The following GALK1 variants were observed in gnomAD, a reference collection of about 807,000 sequenced individuals.
GALK1 encodes galactokinase.
GALK1 carries 30 observed loss-of-function variants against 38.6 expected under a neutral mutation model. The ratio of observed to expected loss-of-function variants is 0.78; its 90% confidence interval spans 0.58 to 1.05. The LOEUF (loss-of-function observed/expected upper bound fraction) is 1.05, where lower values mean the gene tolerates loss of function less well. GALK1 is among the 50% of genes least tolerant of loss of function. The probability of loss-of-function intolerance (pLI) is 0.00; values close to 1 mark genes in which losing one functional copy is unlikely to be tolerated. For missense variants in GALK1, 512 were observed against 540.5 expected (o/e 0.95, Z 0.52); for synonymous variants, 240 against 233.6 (o/e 1.03, Z -0.25).
Position 75,764,053 on chromosome 17 carries a change from G to T in GALK1, c.199C>A (p.Pro67Thr). The T allele has an allele frequency of 1.3e-6, 2 of 1,595,462 alleles. No individual in the cohort carries two copies. The highest frequency in any genetic ancestry group is 8.5e-7 in the Non-Finnish European group (1 of 1,173,214). Residue 67 changes from proline (P) to threonine (T), a missense_variant, in exon 2 of 8, where the codon CCC becomes ACC. Coordinates refer to ENST00000588479, the MANE Select transcript of GALK1 (RefSeq NM_000154.2). ...AGAGACACCAGCCCATCCTTGCGGG[G>T]GCTGCCCACCAGCACCGTCATGAGC... ...LELMTVLVGS[P>T]RKDGLVSLLT...
downstream of GALK1, chr17:75,757,666 A>G: frequency 2.8e-6 from 4 of 1,454,072 alleles, no homozygotes; most frequent in Middle Eastern, 2.0e-4. Flanking sequence ...GCCCACCCGC[A>G]TGCACAGAGC....
At chr17:75,762,941 C>G in intron 4 of GALK1, 56 bp from the exon 5 acceptor site, 10 of 1,504,422 alleles carry the variant, frequency 6.6e-6, no homozygotes, top group Non-Finnish European at 8.8e-6. Flanking sequence ...CTTGCTGCGC[C>G]AGGCAGTGGG....
downstream of GALK1, chr17:75,757,441 C>T (rs1363024019): frequency 1.2e-6 from 2 of 1,613,250 alleles, no homozygotes; most frequent in Non-Finnish European, 8.5e-7. Context: ...GGGCCCAGCA[C>T]CTGGAGGCAG....
downstream of GALK1, chr17:75,757,195 C>T (rs376826039): frequency 1.7e-5 from 28 of 1,612,350 alleles, no homozygotes; most frequent in African/African-American, 3.7e-4. Flanking sequence ...ATCTGCCCAC[C>T]CCAGGACCCT....
chr17:75,752,317 A>G (rs373174042), intron 8 of GALK1: 1 of 1,612,982 alleles, frequency 6.2e-7, no homozygotes, highest in South Asian at 1.1e-5. Flanking sequence ...GCGGGAGGCC[A>G]TCATCAACCT....
chr17:75,756,426 C>T (rs199526257), downstream of GALK1: 28 of 1,613,248 alleles, frequency 1.7e-5, no homozygotes, highest in Admixed American at 3.7e-4. Context: ...CTGATCCCCC[C>T]AGGTGAGCTG....
At chr17:75,759,407 G>A (rs1385270559) in intron 5 of GALK1, among the ~76,000 whole-genome samples, 3 of 143,600 alleles carry the variant, frequency 2.1e-5, no homozygotes, top group Non-Finnish European at 4.5e-5. Flanking sequence ...CAGCCTGGGT[G>A]ACAGAGTGAG....
chr17:75,752,547 A>G, intron 8 of GALK1: 1 of 1,613,624 alleles, frequency 6.2e-7, no homozygotes, highest in Non-Finnish European at 8.5e-7. Flanking sequence ...TCCATCGGGC[A>G]GCCAGAGGCC....
rs564930455 is a variant in GALK1 at position 75,765,166 on chromosome 17, T to A, written c.-30A>T. 17 of 1,472,706 alleles carry A rather than the reference T, an allele frequency of 1.2e-5. No individual in the cohort carries two copies. In the South Asian group the frequency reaches 2.1e-4, roughly 19 times the overall value. The allele number at this position is 1,472,706 out of a possible 1,614,324, so 91.2% of individuals were successfully genotyped here. On this transcript the variant is annotated 5_prime_UTR_variant, in exon 1 of 8. Transcript: ENST00000588479. ...CGCGCCTGCAGCTCTGCACAGCTGC[T>A]CCGGCACAGCCCCGTCGGCGCGGGA...
At chr17:75,752,440 C>T (rs1443680697) in intron 8 of GALK1, 3 of 1,613,250 alleles carry the variant, frequency 1.9e-6, no homozygotes, top group East Asian at 4.5e-5. Flanking sequence ...CTCCCCTGCC[C>T]TGCAGTCCCC....
downstream of GALK1, among the ~76,000 whole-genome samples, chr17:75,753,078 A>C (rs867991155): frequency 2.0e-5 from 3 of 152,368 alleles, no homozygotes; most frequent in Non-Finnish European, 2.9e-5. Flanking sequence ...GGGACATCAG[A>C]TGAATCACTC....
In GALK1 at chr17:75,758,488, G is replaced by T; in HGVS notation, c.905C>A (p.Ala302Asp). The change falls in exon 6 of 8, where the codon GCC (alanine) becomes GAC (aspartate). Residue 302 changes from alanine to aspartate, a missense_variant. By Grantham distance (126) the Ala-to-Asp change is moderately radical. Transcript: ENST00000588479. ...GCTCTCCACCATGAGGCGGCCAAAG[G>T]CTCTGTAGTCGCCACGTCTCAGGGC... ...AAALRRGDYRAFGRLMVESHR... is the reference protein window; with the variant it reads ...AAALRRGDYRDFGRLMVESHR... 6.3e-7 allele frequency: 1 copy of T among 1,578,176 alleles called. No homozygotes were observed. The highest frequency in any genetic ancestry group is 1.3e-5 in the African/African-American group (1 of 74,512).
At chr17:75,756,362 CGAG>C, downstream of GALK1, 7 of 1,569,880 alleles carry the variant, frequency 4.5e-6, no homozygotes, top group Non-Finnish European at 4.4e-6. Context: ...AGCTTAGGGA[CGAG>C]GAGGATCAGG....
chr17:75,757,790 G>A, downstream of GALK1: 1 of 671,756 alleles, frequency 1.5e-6, no homozygotes, highest in Non-Finnish European at 2.6e-6. Flanking sequence ...CCTTTGTTCT[G>A]CACTTAATAA....
chr17:75,762,191 C>G (rs1211815359), intron 5 of GALK1, among the ~76,000 whole-genome samples: 1 of 152,184 alleles, frequency 6.6e-6, no homozygotes, highest in African/African-American at 2.4e-5. Context: ...TGGTGGCACA[C>G]CTGTAATCTC....
chr17:75,756,794 G>C (rs770271972), downstream of GALK1: 11 of 1,612,592 alleles, frequency 6.8e-6, no homozygotes, highest in Non-Finnish European at 9.3e-6. Context: ...AGCTGGGAGC[G>C]GCCACGGAGG....
chr17:75,755,682 TGC>T, downstream of GALK1: 1 of 1,612,516 alleles, frequency 6.2e-7, no homozygotes, highest in South Asian at 1.1e-5. Context: ...TCTGGCTGAC[TGC>T]GGCCTCCTGT....
chr17:75,752,512 T>G, intron 8 of GALK1: 1 of 1,613,718 alleles, frequency 6.2e-7, no homozygotes, highest in Non-Finnish European at 8.5e-7. Context: ...AGCTTCCTTA[T>G]GTACAGCGAT....
At position 75,752,460 on chromosome 17, in the gene GALK1, G is replaced by C. The variant is rs2061390636; in HGVS notation, c.*23-723C>G. The stretch of plus-strand genomic sequence containing the variant: ...CTGCCCTGCAGTCCCCATCATCCCT[G>C]ACATCCCTATCGTGGACGCCCAGAG... On this transcript the variant is annotated intron_variant, in intron 8 of 8. Coordinates refer to the GALK1 transcript ENST00000225614. 6.2e-7 allele frequency: 1 copy of C among 1,613,418 alleles called. No homozygotes were observed. The highest frequency in any genetic ancestry group is 1.3e-5 in the African/African-American group (1 of 74,938).
Sources: allele counts gnomAD v4.1 joint callset (sites outside exome capture counted in the v4.1 genomes callset), GRCh38; gene constraint gnomAD v4.1.1; transcripts MANE v1.5; gene names NCBI Gene and HGNC (gene_info 2026-07-23, HGNC 2026-07-21).